The following NRXN1 variants were observed in gnomAD, a reference collection of about 807,000 sequenced individuals.
NRXN1 encodes neurexin 1.
A neutral mutation model predicts 150.9 loss-of-function variants in NRXN1; 39 were observed. The ratio of observed to expected loss-of-function variants is 0.26; its 90% CI spans 0.20 to 0.34. NRXN1 has a LOEUF of 0.34. NRXN1 is among the 10% of genes least tolerant of loss of function. The probability of loss-of-function intolerance (pLI) is 1.00; values close to 1 mark genes in which losing one functional copy is unlikely to be tolerated. For synonymous variants in NRXN1, 924 were observed against 757.0 expected, an observed-to-expected ratio of 1.22 and a Z score of -3.62; for missense variants, 1,815 against 1,949.9, an observed-to-expected ratio of 0.93 and a Z score of 1.30.
intron 8 of NRXN1, among the ~76,000 whole-genome samples, chr2:50,576,807 C>T (rs1045418500): frequency 6.6e-6 from 1 of 152,038 alleles, no homozygotes; most frequent in Non-Finnish European, 1.5e-5. Flanking sequence ...TTCCTGACCT[C>T]CCTTTTAACT....
At chr2:50,877,324 G>A (rs899956749) in intron 5 of NRXN1, among the ~76,000 whole-genome samples, 11 of 151,818 alleles carry the variant, frequency 7.2e-5, no homozygotes, top group African/African-American at 1.9e-4. Context: ...CTACTTTTCC[G>A]TTCTAGTCTC....
chr2:50,739,164 A>C (rs1447285635), intron 5 of NRXN1: 1 of 339,010 alleles, frequency 2.9e-6, no homozygotes, highest in Non-Finnish European at 6.2e-6. Flanking sequence ...AGATGTCAAA[A>C]ATTCTTACAA....
At chr2:49,959,857 C>T (rs1222983320) in intron 21 of NRXN1, among the ~76,000 whole-genome samples, 1 of 152,150 alleles carries the variant, frequency 6.6e-6, no homozygotes, top group African/African-American at 2.4e-5. Context: ...GGCAAAACCC[C>T]AGTATCCTAA....
chr2:50,172,144 C>T (rs1044256552), intron 18 of NRXN1, among the ~76,000 whole-genome samples: 11 of 152,096 alleles, frequency 7.2e-5, no homozygotes, highest in South Asian at 2.1e-4. Context: ...AAGGCAACAG[C>T]GCCTTCTGAA....
intron 17 of NRXN1, among the ~76,000 whole-genome samples, chr2:50,456,694 C>CT (rs1350060200): frequency 1.3e-5 from 2 of 152,098 alleles, no homozygotes; most frequent in African/African-American, 2.4e-5. Flanking sequence ...TTTCCCCAGG[C>CT]TTTTTTTCCC....
At chr2:50,035,428 A>G (rs752296532) in intron 21 of NRXN1, among the ~76,000 whole-genome samples, 15 of 152,218 alleles carry the variant, frequency 9.9e-5, no homozygotes, top group East Asian at 7.8e-4. Context: ...AACTCTCAAA[A>G]ACATGCTGTT....
chr2:50,532,922 A>C (rs1329508260), intron 10 of NRXN1, among the ~76,000 whole-genome samples: 2 of 152,142 alleles, frequency 1.3e-5, no homozygotes, highest in Non-Finnish European at 2.9e-5. Flanking sequence ...ATAAAGAAAA[A>C]CTACCTGGAA....
intron 22 of NRXN1, among the ~76,000 whole-genome samples, chr2:49,930,697 T>A (rs906652728): frequency 1.3e-5 from 2 of 152,238 alleles, no homozygotes; most frequent in Non-Finnish European, 2.9e-5. Flanking sequence ...TGACTCTGTT[T>A]CTCTTTCTTA....
At chr2:50,481,906 C>T (rs920698100) in intron 15 of NRXN1, among the ~76,000 whole-genome samples, 1 of 143,864 alleles carries the variant, frequency 7.0e-6, no homozygotes, top group African/African-American at 2.8e-5. Flanking sequence ...GCTGGGACTA[C>T]AGGCGCCCGC....
At chr2:50,319,613 T>C (rs1245650951) in intron 17 of NRXN1, among the ~76,000 whole-genome samples, 1 of 152,138 alleles carries the variant, frequency 6.6e-6, no homozygotes, top group Non-Finnish European at 1.5e-5. Flanking sequence ...TTTGCCTAGA[T>C]TCCAGGCATT....
intron 18 of NRXN1, among the ~76,000 whole-genome samples, chr2:50,221,520 A>G (rs1469051506): frequency 6.6e-6 from 1 of 152,066 alleles, no homozygotes; most frequent in East Asian, 1.9e-4. Context: ...AGTGCAATGA[A>G]AAAACTATAA....
At chr2:50,524,719 A>C (rs1429083067) in intron 12 of NRXN1, among the ~76,000 whole-genome samples, 1 of 152,120 alleles carries the variant, frequency 6.6e-6, no homozygotes, top group African/African-American at 2.4e-5. Flanking sequence ...CCTATAGTTG[A>C]TAGGAGCAAG....
intron 17 of NRXN1, among the ~76,000 whole-genome samples, chr2:50,322,788 G>A (rs192879002): frequency 3.3e-5 from 5 of 152,266 alleles, no homozygotes; most frequent in African/African-American, 9.6e-5. Flanking sequence ...ATGGAGTTAA[G>A]TATTAAAAGA....
intron 19 of NRXN1, among the ~76,000 whole-genome samples, chr2:50,063,547 G>GACACACACACACACACACAC (rs3046664): frequency 2.2e-5 from 3 of 137,516 alleles, no homozygotes; most frequent in African/African-American, 8.1e-5. Flanking sequence ...CACCTCAACA[G>GACACACACACACACACACAC]ACACACACAC....
intron 17 of NRXN1, among the ~76,000 whole-genome samples, chr2:50,355,226 A>G (rs1231044582): frequency 6.7e-6 from 1 of 149,274 alleles, no homozygotes; most frequent in African/African-American, 2.4e-5. Context: ...CCAATTCAGA[A>G]ATTCAGGATA....
At chr2:50,605,561 G>T (rs1356127821) in intron 8 of NRXN1, among the ~76,000 whole-genome samples, 1 of 152,054 alleles carries the variant, frequency 6.6e-6, no homozygotes, top group East Asian at 1.9e-4. Flanking sequence ...CCAGAGAAAT[G>T]CAAATTAAAA....
At chr2:51,001,280 A>G (rs1270713340) in intron 2 of NRXN1, among the ~76,000 whole-genome samples, 1 of 151,552 alleles carries the variant, frequency 6.6e-6, no homozygotes, top group East Asian at 2.0e-4. Context: ...ATTTTCCTAG[A>G]AAAGGCAATT....
intron 18 of NRXN1, among the ~76,000 whole-genome samples, chr2:50,127,090 A>G (rs1192928526): frequency 6.6e-6 from 1 of 152,124 alleles, no homozygotes; most frequent in East Asian, 1.9e-4. Flanking sequence ...GTAAATATAA[A>G]TTTAATAGCT....
At chr2:50,671,703 A>C (rs1688879259) in intron 5 of NRXN1, among the ~76,000 whole-genome samples, 1 of 151,838 alleles carries the variant, frequency 6.6e-6, no homozygotes. Flanking sequence ...ACAGTAAAGA[A>C]TTAATTATTG....
Sources: allele counts gnomAD v4.1 joint callset (sites outside exome capture counted in the v4.1 genomes callset), GRCh38; gene constraint gnomAD v4.1.1; transcripts MANE v1.5; gene names NCBI Gene and HGNC (gene_info 2026-07-23, HGNC 2026-07-21).